Variants in CCSER1 observed in about 807,000 individuals in gnomAD.
The protein encoded by CCSER1 is coiled-coil serine rich protein 1, also known as serine-rich coiled-coil domain-containing protein 1.
In CCSER1, 41 loss-of-function variants were observed where a neutral mutation model predicts 82.0. The ratio of observed to expected loss-of-function variants is 0.50; its 90% CI spans 0.39 to 0.65. CCSER1 has a LOEUF of 0.65. Among genes scored for constraint, CCSER1 ranks in the 30% least tolerant of loss-of-function variants. The pLI, the probability that CCSER1 is intolerant of heterozygous loss-of-function variation, is 0.00. For synonymous variants in CCSER1, 414 were observed against 383.9 expected, an observed-to-expected ratio of 1.08 and a Z score of -0.92; for missense variants, 1,119 against 1,064.2, an observed-to-expected ratio of 1.05 and a Z score of -0.72.
At chr4:90,481,161 A>T (rs1410117794) in intron 5 of CCSER1, among the ~76,000 whole-genome samples, 2 of 152,180 alleles carry the variant, frequency 1.3e-5, no homozygotes, top group African/African-American at 4.8e-5. Flanking sequence ...GAGTTCACTC[A>T]TGATTTGGCT....
chr4:90,167,309 C>T (rs1225589804), intron 1 of CCSER1, among the ~76,000 whole-genome samples: 2 of 151,890 alleles, frequency 1.3e-5, no homozygotes, highest in Non-Finnish European at 2.9e-5. Flanking sequence ...ATACTACTAC[C>T]AGGGTAAAAA....
At chr4:90,788,169 A>AAAAT (rs1754772589) in intron 7 of CCSER1, among the ~76,000 whole-genome samples, 1 of 152,208 alleles carries the variant, frequency 6.6e-6, no homozygotes, top group Non-Finnish European at 1.5e-5. Context: ...ACTAAGGTAG[A>AAAAT]AAATGATCAT....
At chr4:90,128,514 T>TGC (rs1014587961) in intron 1 of CCSER1, among the ~76,000 whole-genome samples, 6 of 151,170 alleles carry the variant, frequency 4.0e-5, no homozygotes, top group Non-Finnish European at 5.9e-5. Flanking sequence ...TGTGTGTGTG[T>TGC]GTGCGCGCGC....
intron 10 of CCSER1, among the ~76,000 whole-genome samples, chr4:91,543,764 T>C (rs1344042871): frequency 6.6e-6 from 1 of 152,186 alleles, no homozygotes; most frequent in Non-Finnish European, 1.5e-5. Flanking sequence ...TTGGTGAATC[T>C]GACAATTATG....
At chr4:91,060,767 T>C (rs934354068) in intron 9 of CCSER1, among the ~76,000 whole-genome samples, 1 of 152,094 alleles carries the variant, frequency 6.6e-6, no homozygotes, top group Non-Finnish European at 1.5e-5. Flanking sequence ...GGGTTGATAA[T>C]GGTGTAAATA....
At chr4:90,745,431 C>T (rs1412117981) in intron 7 of CCSER1, among the ~76,000 whole-genome samples, 1 of 152,140 alleles carries the variant, frequency 6.6e-6, no homozygotes, top group African/African-American at 2.4e-5. Flanking sequence ...CTTTCATTCC[C>T]CTTTGCCATG....
At chr4:90,601,793 C>G (rs1283968643) in intron 5 of CCSER1, among the ~76,000 whole-genome samples, 1 of 151,926 alleles carries the variant, frequency 6.6e-6, no homozygotes, top group Non-Finnish European at 1.5e-5. Flanking sequence ...TTATGTTCTA[C>G]TTTTATTTTT....
intron 10 of CCSER1, among the ~76,000 whole-genome samples, chr4:91,250,221 G>T (rs376611286): frequency 6.6e-6 from 1 of 151,758 alleles, no homozygotes; most frequent in East Asian, 1.9e-4. Context: ...TGTCCAGATG[G>T]CTTGAAAAAA....
At chr4:91,010,568 C>T (rs1353107463) in intron 9 of CCSER1, among the ~76,000 whole-genome samples, 1 of 134,672 alleles carries the variant, frequency 7.4e-6, no homozygotes, top group Admixed American at 7.3e-5. Flanking sequence ...TTAATGGTGT[C>T]CCATAAGTCC....
chr4:90,928,794 G>A (rs185616495), intron 9 of CCSER1, among the ~76,000 whole-genome samples: 4 of 152,042 alleles, frequency 2.6e-5, no homozygotes, highest in African/African-American at 9.6e-5. Flanking sequence ...TAAGAACTAA[G>A]CACTTTGTCA....
chr4:90,628,164 A>G lies in CCSER1; in HGVS notation c.1864A>G (p.Arg622Gly). Reference protein sequence around the residue: ...ENGGIDSLPFRLMLQDCTAVK... With the variant: ...ENGGIDSLPFGLMLQDCTAVK... The stretch of plus-strand genomic sequence containing the variant: ...CGGAGGCATAGATTCTCTGCCATTC[A>G]GACTGATGTTACAGGACTGCACGGC... Residue 622 changes from arginine (R) to glycine (G), a missense_variant, in exon 6 of 11, where the codon AGA becomes GGA. By Grantham distance (125) the Arg-to-Gly change is moderately radical. Coordinates refer to ENST00000509176, the MANE Select transcript of CCSER1 (RefSeq NM_001145065.2). 1 of 1,613,920 alleles carries G rather than the reference A, an allele frequency of 6.2e-7. No homozygotes were observed. Among genetic ancestry groups the G allele is most frequent in the Non-Finnish European group, 8.5e-7 (1 of 1,179,804 alleles).
chr4:91,116,925 A>G (rs1244608130), intron 10 of CCSER1, among the ~76,000 whole-genome samples: 2 of 152,168 alleles, frequency 1.3e-5, no homozygotes, highest in South Asian at 2.1e-4. Flanking sequence ...AATGTTCATC[A>G]TATTTAGTAG....
intron 9 of CCSER1, among the ~76,000 whole-genome samples, chr4:90,967,842 G>A (rs1371682401): frequency 6.6e-6 from 1 of 152,016 alleles, no homozygotes; most frequent in African/African-American, 2.4e-5. Context: ...GAACCTGGGA[G>A]TCCACTGGAA....
chr4:91,123,752 C>T (rs1727281683), intron 10 of CCSER1, among the ~76,000 whole-genome samples: 1 of 151,600 alleles, frequency 6.6e-6, no homozygotes, highest in African/African-American at 2.4e-5. Context: ...AGTTTAAGTT[C>T]AGTATTTAAT....
At chr4:91,064,944 T>C (rs1213278247) in intron 9 of CCSER1, among the ~76,000 whole-genome samples, 1 of 152,114 alleles carries the variant, frequency 6.6e-6, no homozygotes, top group Non-Finnish European at 1.5e-5. Flanking sequence ...ATTCTAAACC[T>C]AGGTTTTCAA....
chr4:91,451,630 AAAG>A (rs984375095), intron 10 of CCSER1, among the ~76,000 whole-genome samples: 8 of 151,918 alleles, frequency 5.3e-5, no homozygotes, highest in Non-Finnish European at 8.8e-5. Context: ...AAATAACCAA[AAAG>A]AAGGAGGAAA....
intron 5 of CCSER1, among the ~76,000 whole-genome samples, chr4:90,476,424 C>A (rs1578670925): frequency 6.6e-6 from 1 of 151,960 alleles, no homozygotes; most frequent in African/African-American, 2.4e-5. Flanking sequence ...CTTAGAGGGT[C>A]GGTGGGGGCA....
At chr4:90,616,954 C>T (rs531046846) in intron 5 of CCSER1, among the ~76,000 whole-genome samples, 153 of 152,080 alleles carry the variant, frequency 1.0e-3, no homozygotes, top group African/African-American at 3.6e-3. Context: ...CACTCTGGAG[C>T]CAGACTCTGG....
chr4:90,455,765 A>G (rs1762083461), intron 4 of CCSER1, among the ~76,000 whole-genome samples: 1 of 152,132 alleles, frequency 6.6e-6, no homozygotes, highest in Non-Finnish European at 1.5e-5. Context: ...GGTAACCTTT[A>G]AATTCCCTAG....
Sources: gnomAD v4.1 joint callset for allele counts (sites outside exome capture counted in the v4.1 genomes callset) on GRCh38, gnomAD v4.1.1 for gene constraint, MANE v1.5 for transcripts, NCBI Gene and HGNC (gene_info 2026-07-23, HGNC 2026-07-21) for gene names.